The following KCNK10 variants were observed in gnomAD, a reference collection of about 807,000 sequenced individuals.
KCNK10 encodes potassium channel subfamily K member 10.
A neutral mutation model predicts 47.7 loss-of-function variants in KCNK10; 25 were observed. That is an observed-to-expected ratio of 0.52 (90% CI 0.38 to 0.73). The LOEUF (loss-of-function observed/expected upper bound fraction) is 0.73, where lower values mean the gene tolerates loss of function less well. KCNK10 is among the 30% of genes least tolerant of loss of function. The pLI, the probability that KCNK10 is intolerant of heterozygous loss-of-function variation, is 0.00. For missense variants in KCNK10, 563 were observed against 714.5 expected, an observed-to-expected ratio of 0.79 and a Z score of 2.42; for synonymous variants, 303 against 285.6, an observed-to-expected ratio of 1.06 and a Z score of -0.61.
chr14:88,259,784 C>G (rs567043941), intron 2 of KCNK10, among the ~76,000 whole-genome samples: 1 of 152,186 alleles, frequency 6.6e-6, no homozygotes, highest in East Asian at 1.9e-4. Context: ...TGCTAAAATT[C>G]TGGAAAGTGT....
chr14:88,191,828 T>C (rs1884757684), intron 5 of KCNK10, among the ~76,000 whole-genome samples: 1 of 152,202 alleles, frequency 6.6e-6, no homozygotes, highest in Admixed American at 6.5e-5. Context: ...AACCTGCAGG[T>C]CACTGCAGAC....
intron 1 of KCNK10, among the ~76,000 whole-genome samples, chr14:88,315,452 T>C (rs1212397602): frequency 6.6e-6 from 1 of 152,358 alleles, no homozygotes; most frequent in East Asian, 1.9e-4. Context: ...AGTAAGTGAA[T>C]GTTGGATGTC....
At chr14:88,317,984 C>A (rs1262211623) in intron 1 of KCNK10, among the ~76,000 whole-genome samples, 2 of 152,158 alleles carry the variant, frequency 1.3e-5, no homozygotes, top group Admixed American at 6.5e-5. Flanking sequence ...GGACACTGAC[C>A]ATATCTTCAG....
chr14:88,232,418 G>T, intron 3 of KCNK10, among the ~76,000 whole-genome samples: 1 of 152,178 alleles, frequency 6.6e-6, no homozygotes, highest in East Asian at 1.9e-4. Context: ...TGGAAGAATT[G>T]CTGGGCTCTG....
intron 1 of KCNK10, among the ~76,000 whole-genome samples, chr14:88,291,021 G>A (rs17124428): frequency 0.13 from 19,190 of 152,248 alleles, 1,691 homozygotes; most frequent in East Asian, 0.41. Flanking sequence ...TCCCTCTGCC[G>A]CGGAAAAGGG....
chr14:88,218,241 T>G (rs1472962600), intron 4 of KCNK10, among the ~76,000 whole-genome samples: 1 of 152,222 alleles, frequency 6.6e-6, no homozygotes, highest in Non-Finnish European at 1.5e-5. Flanking sequence ...AGAAGCTTCC[T>G]GCCAATTGTG....
At chr14:88,196,794 A>G (rs886165125) in intron 4 of KCNK10, among the ~76,000 whole-genome samples, 2 of 152,230 alleles carry the variant, frequency 1.3e-5, no homozygotes, top group Admixed American at 1.3e-4. Flanking sequence ...CTCAAAATGG[A>G]AAGATGATGG....
At chr14:88,276,990 T>C (rs887841841) in intron 1 of KCNK10, among the ~76,000 whole-genome samples, 2 of 152,274 alleles carry the variant, frequency 1.3e-5, no homozygotes, top group Non-Finnish European at 2.9e-5. Flanking sequence ...CAGCACAGTC[T>C]GTGTGCATCA....
rs1225187059 is a variant in KCNK10 at position 88,185,910 on chromosome 14, C to T, written c.1257G>A (p.Glu419=). The change falls in exon 7 of 7, where the codon GAG becomes GAA. Residue 419 remains glutamate, a synonymous_variant. Coordinates refer to ENST00000319231, the MANE Select transcript of KCNK10 (RefSeq NM_138317.3). This position sits in a 1 kb window ranked among gnomAD's most constrained non-coding sequence, Gnocchi z 4.3. ...DTGRFKASSQ[E]SINNRPNNLR... is the part of the protein sequence containing the mutation. The stretch of plus-strand genomic sequence containing the variant: ...GGTTGTTGGGCCGGTTGTTGATGCT[C>T]TCCTGGGATGAGGCCTTGAAGCGGC... 8 of 1,613,906 alleles carry T rather than the reference C, an allele frequency of 5.0e-6. No individual in the cohort carries two copies. Among genetic ancestry groups the T allele is most frequent in the Non-Finnish European group, 6.8e-6 (8 of 1,180,044 alleles).
chr14:88,285,564 G>C (rs1887743484), intron 1 of KCNK10, among the ~76,000 whole-genome samples: 1 of 152,170 alleles, frequency 6.6e-6, no homozygotes, highest in Non-Finnish European at 1.5e-5. Flanking sequence ...CATTAGCACA[G>C]GATCTTGCAC....
intron 4 of KCNK10, among the ~76,000 whole-genome samples, chr14:88,223,763 G>T (rs1383511506): frequency 6.6e-6 from 1 of 152,172 alleles, no homozygotes; most frequent in Non-Finnish European, 1.5e-5. Context: ...CTTCTGCATT[G>T]AGTACTCTGG....
intron 1 of KCNK10, among the ~76,000 whole-genome samples, chr14:88,307,042 G>C (rs1025193945): frequency 2.6e-5 from 4 of 152,246 alleles, no homozygotes. Context: ...CTATAGAAAT[G>C]GTGTTCAGCA....
intron 1 of KCNK10, among the ~76,000 whole-genome samples, chr14:88,285,426 T>G (rs1887739925): frequency 6.6e-6 from 1 of 152,178 alleles, no homozygotes; most frequent in East Asian, 1.9e-4. Flanking sequence ...TAAGTTTTAT[T>G]TTAACTATCA....
chr14:88,246,476 G>C (rs1237620747), intron 2 of KCNK10, among the ~76,000 whole-genome samples: 1 of 152,196 alleles, frequency 6.6e-6, no homozygotes, highest in Non-Finnish European at 1.5e-5. Context: ...GAAGTGGAAA[G>C]ACAATATTTA....
At chr14:88,307,657 G>A (rs1180161542) in intron 1 of KCNK10, among the ~76,000 whole-genome samples, 1 of 152,158 alleles carries the variant, frequency 6.6e-6, no homozygotes, top group East Asian at 1.9e-4. Context: ...TAGATATGGA[G>A]TCCTTGTTAC....
chr14:88,286,420 A>G (rs548058731), intron 1 of KCNK10, among the ~76,000 whole-genome samples: 1 of 152,342 alleles, frequency 6.6e-6, no homozygotes, highest in East Asian at 1.9e-4. Flanking sequence ...ATTGTGATAG[A>G]GGAACTGCTC....
chr14:88,236,509 C>A (rs140926318), intron 3 of KCNK10, among the ~76,000 whole-genome samples: 89 of 152,250 alleles, frequency 5.8e-4, no homozygotes, highest in African/African-American at 2.1e-3. Context: ...TAAACCACAG[C>A]AAAAGGACTA....
rs1884326268 is a variant in KCNK10 at position 88,180,952 on chromosome 14, G to T, written c.*4583C>A. ...CTTTTTCTTTTTAAGGCCATTACTA[G>T]CCAGCTCTTACTGTTCACTCAGCCA... On this transcript the variant is annotated 3_prime_UTR_variant, in exon 7 of 7. Coordinates refer to ENST00000319231, the MANE Select transcript of KCNK10 (RefSeq NM_138317.3). 5.0e-6 allele frequency: 2 copies of T among 397,656 alleles called. No homozygotes were observed. The highest frequency in any genetic ancestry group is 4.1e-5 in the African/African-American group (2 of 48,576). 24.6% of individuals were successfully genotyped at this position (397,656 alleles called of 1,614,324 possible).
intron 4 of KCNK10, among the ~76,000 whole-genome samples, chr14:88,192,780 A>G (rs926632671): frequency 9.2e-5 from 14 of 152,184 alleles, no homozygotes; most frequent in African/African-American, 3.4e-4. Flanking sequence ...ACCATTTGTC[A>G]TGTAGTATTA....
Sources: allele counts gnomAD v4.1 joint callset (sites outside exome capture counted in the v4.1 genomes callset), GRCh38; gene constraint gnomAD v4.1.1; non-coding constraint Gnocchi (gnomAD v3.1); transcripts MANE v1.5; gene names NCBI Gene and HGNC (gene_info 2026-07-23, HGNC 2026-07-21).